BPTF: variants seen among roughly 807,000 people sequenced by gnomAD.
The protein encoded by BPTF is nucleosome-remodeling factor subunit BPTF.
Under a neutral mutation model 292.5 loss-of-function variants are expected in BPTF, and 18 were observed. That is an observed-to-expected ratio of 0.06 (90% confidence interval 0.04 to 0.09). BPTF has a LOEUF of 0.09. BPTF is among the 10% of genes least tolerant of loss of function. The pLI, the probability that BPTF is intolerant of heterozygous loss-of-function variation, is 1.00. For missense variants in BPTF, 2,726 were observed against 3,498.7 expected, an observed-to-expected ratio of 0.78 and a Z score of 5.57; for synonymous variants, 1,225 against 1,251.9, an observed-to-expected ratio of 0.98 and a Z score of 0.45.
Position 67,917,268 on chromosome 17 carries a change from G to T in BPTF, c.5304-1446G>T, listed in dbSNP as rs530707851. Among the ~76,000 whole-genome samples the T allele has an allele frequency of 2.6e-5, 4 of 151,706 alleles. No homozygotes were observed. In the East Asian group the frequency reaches 5.9e-4, roughly 22 times the overall value. On this transcript the variant is annotated intron_variant, in intron 11 of 27. Coordinates refer to ENST00000306378, the MANE Select transcript of BPTF (RefSeq NM_182641.4). The stretch of plus-strand genomic sequence containing the variant: ...CTTTCTCAGCCTCCCAACTAGCTGG[G>T]ATTACAGGCGCCCGCCACCATACCC...
Position 67,920,187 on chromosome 17 carries a change from A to G in BPTF, c.5557+44A>G, listed in dbSNP as rs780447521. The stretch of plus-strand genomic sequence containing the variant: ...TTCTTTCATGATTAACCTGTTAACC[A>G]TGTATTTTATGAATTGAAATTTGAT... On this transcript the variant is annotated intron_variant, in intron 13 of 27. Coordinates refer to ENST00000306378, the MANE Select transcript of BPTF (RefSeq NM_182641.4). 11 of 1,553,360 alleles carry G rather than the reference A, an allele frequency of 7.1e-6. No homozygotes were observed. In the Admixed American group the frequency reaches 1.0e-4, roughly 14 times the overall value.
intron 14 of BPTF, 98 bp downstream of exon 14, chr17:67,923,088 C>T: frequency 7.4e-7 from 1 of 1,349,558 alleles, no homozygotes; most frequent in Non-Finnish European, 1.0e-6. Flanking sequence ...CAGGATCTTG[C>T]TCTGTCACCC....
Position 67,946,055 on chromosome 17 carries a change from G to T in BPTF, c.7347G>T (p.Gln2449His). The change falls in exon 21 of 28, where the codon CAG becomes CAT. Residue 2449 changes from glutamine to histidine, a missense_variant. Physicochemically the swap from Gln to His is conservative, Grantham distance 24. Coordinates refer to ENST00000306378, the MANE Select transcript of BPTF (RefSeq NM_182641.4). ...AAGTCCAGGTTCTCTCTCAGATCCA[G>T]TCACAGGTTGTGGCTCAGATACAGG... ...QQQVQVLSQI[Q>H]SQVVAQIQAQ... 1.2e-6 allele frequency: 2 copies of T among 1,614,214 alleles called. No homozygotes were observed. The highest frequency in any genetic ancestry group is 1.1e-5 in the South Asian group (1 of 91,084).
intron 2 of BPTF, among the ~76,000 whole-genome samples, chr17:67,855,694 A>G (rs1333623236): frequency 6.6e-6 from 1 of 152,178 alleles, no homozygotes; most frequent in African/African-American, 2.4e-5. Context: ...AGTATCTGAC[A>G]TCCTGTAGAT....
At chr17:67,885,922 A>C (rs1336449876) in intron 4 of BPTF, among the ~76,000 whole-genome samples, 2 of 152,122 alleles carry the variant, frequency 1.3e-5, no homozygotes, top group Non-Finnish European at 2.9e-5. Context: ...CCCCCAAAAA[A>C]AGTCAGTGAG....
intron 2 of BPTF, among the ~76,000 whole-genome samples, chr17:67,864,527 CAAAA>C (rs60272759): frequency 1.2e-5 from 1 of 80,226 alleles, no homozygotes; most frequent in Non-Finnish European, 2.9e-5. Flanking sequence ...GACTCCATCA[CAAAA>C]AAAAAAAAAA....
In BPTF at chr17:67,937,087, A is replaced by G. The variant is rs188214987; in HGVS notation, c.6260-3352A>G. On this transcript the variant is annotated intron_variant, in intron 18 of 27. Transcript: ENST00000306378. The stretch of plus-strand genomic sequence containing the variant: ...TAGTGGAAAAGGTAGATAATAATGA[A>G]GTAAATTAATTATACATATATTTAA... Among the ~76,000 whole-genome samples, 34 of 152,338 alleles carry G rather than the reference A, an allele frequency of 2.2e-4. No homozygotes were observed. The East Asian group carries it at 6.4e-3, about 28-fold the overall frequency.
intron 4 of BPTF, among the ~76,000 whole-genome samples, chr17:67,879,447 G>T (rs2060254855): frequency 6.6e-6 from 1 of 152,118 alleles, no homozygotes; most frequent in Non-Finnish European, 1.5e-5. Context: ...GCTAGGGCTG[G>T]TGTTATTTCT....
intron 4 of BPTF, among the ~76,000 whole-genome samples, chr17:67,882,441 CT>C (rs1258737217): frequency 6.6e-6 from 1 of 152,200 alleles, no homozygotes; most frequent in Non-Finnish European, 1.5e-5. Flanking sequence ...ATTTGTATAT[CT>C]GTTCCCTTAC....
At chr17:67,921,267 G>A (rs1406534518) in intron 13 of BPTF, among the ~76,000 whole-genome samples, 8 of 149,476 alleles carry the variant, frequency 5.4e-5, no homozygotes, top group Non-Finnish European at 7.4e-5. Context: ...GCTCAAGCCT[G>A]TAGTCCCAGC....
intron 17 of BPTF, among the ~76,000 whole-genome samples, chr17:67,931,585 A>G (rs936838090): frequency 6.6e-6 from 1 of 152,248 alleles, no homozygotes; most frequent in Non-Finnish European, 1.5e-5. Context: ...TGGAGCTTAC[A>G]GAAAGTGCGA....
At chr17:67,926,385 C>T (rs1165027846) in intron 15 of BPTF, among the ~76,000 whole-genome samples, 19 of 131,814 alleles carry the variant, frequency 1.4e-4, no homozygotes, top group South Asian at 5.0e-4. Flanking sequence ...AGTGCAGTGG[C>T]GCGATCTCGG....
intron 14 of BPTF, among the ~76,000 whole-genome samples, chr17:67,923,357 G>A (rs1452412014): frequency 6.7e-6 from 1 of 150,354 alleles, no homozygotes; most frequent in Non-Finnish European, 1.5e-5. Flanking sequence ...CCTGCCTGGG[G>A]TAAAAGAACA....
At chr17:67,849,227 T>TACTGAGCTTCACC (rs1281853887) in intron 1 of BPTF, among the ~76,000 whole-genome samples, 1 of 152,180 alleles carries the variant, frequency 6.6e-6, no homozygotes, top group Non-Finnish European at 1.5e-5. Flanking sequence ...TTCTGTGAAT[T>TACTGAGCTTCACC]TGGGTTGCAT....
chr17:67,940,494 A>C lies in BPTF; in HGVS notation c.6315A>C (p.Ala2105=), dbSNP rs782081386. The change falls in exon 19 of 28, where the codon GCA becomes GCC. Residue 2105 remains alanine (A), a synonymous_variant. Transcript: ENST00000306378. The part of the protein sequence containing the change: ...QIIRGQPVST[A]VSAPNTVSST... ...TCAGGGGGCAGCCTGTCTCCACTGC[A>C]GTCTCCGCCCCTAACACGGTTTCCT... 5.6e-6 allele frequency: 9 copies of C among 1,614,040 alleles called. No homozygotes were observed. The highest frequency in any genetic ancestry group is 5.0e-5 in the Admixed American group (3 of 59,986).
At chr17:67,927,644 C>A (rs1056467970) in intron 15 of BPTF, among the ~76,000 whole-genome samples, 2 of 152,130 alleles carry the variant, frequency 1.3e-5, no homozygotes. Flanking sequence ...TGAATCTCAC[C>A]GCTGAGCAGC....
intron 7 of BPTF, among the ~76,000 whole-genome samples, chr17:67,901,582 T>C (rs1448027232): frequency 1.3e-5 from 2 of 152,220 alleles, no homozygotes; most frequent in African/African-American, 2.4e-5. Context: ...AAACTACTAA[T>C]AGTCTAATAC....
Position 67,911,281 on chromosome 17 carries a change from C to A in BPTF, c.3397C>A (p.Pro1133Thr), listed in dbSNP as rs1265031745. ...EQSPNANNDQ[P>T]EDLIQGCSES... ...GAGCCCAAATGCAAATAATGATCAACCTGAGGACTTGATTCAGGGATGTTC... is the reference window on the plus strand; with the variant it reads ...GAGCCCAAATGCAAATAATGATCAAACTGAGGACTTGATTCAGGGATGTTC... The change falls in exon 11 of 28, where the codon CCT (proline) becomes ACT (threonine). Residue 1133 changes from proline (P) to threonine (T), a missense_variant. Physicochemically the swap from Pro to Thr is conservative, Grantham distance 38. Coordinates refer to ENST00000306378, the MANE Select transcript of BPTF (RefSeq NM_182641.4). The A allele has an allele frequency of 2.5e-6, 4 of 1,613,932 alleles. No individual in the cohort carries two copies. In the African/African-American group the frequency reaches 4.0e-5, roughly 16 times the overall value.
At chr17:67,923,563 A>G (rs574114396) in intron 14 of BPTF, among the ~76,000 whole-genome samples, 8 of 137,268 alleles carry the variant, frequency 5.8e-5, no homozygotes. Flanking sequence ...GCTCACTGCA[A>G]CCTCTGCCTC....
Sources: allele counts gnomAD v4.1 joint callset (sites outside exome capture counted in the v4.1 genomes callset), GRCh38; gene constraint gnomAD v4.1.1; transcripts MANE v1.5; gene names NCBI Gene and HGNC (gene_info 2026-07-23, HGNC 2026-07-21).